The following CDK17 variants were observed in gnomAD, a reference collection of about 807,000 sequenced individuals.
CDK17 encodes cyclin dependent kinase 17.
CDK17 carries 24 observed loss-of-function variants against 77.6 expected under a neutral mutation model. That is an observed-to-expected ratio of 0.31 (90% CI 0.22 to 0.44). The LOEUF is 0.44. CDK17 is among the 20% of genes least tolerant of loss of function. The pLI is 1.00. For missense variants in CDK17, 429 were observed against 622.5 expected (o/e 0.69, Z 3.31); for synonymous variants, 203 against 210.4 (o/e 0.96, Z 0.30).
In CDK17 at chr12:96,334,862, A is replaced by C. The variant is rs773777251; in HGVS notation, c.-26T>G. ...CCTATCAATTGAATGTGGCTTGAAA[A>C]ATCCTGAAAGAAAAGAATAAACACA... On this transcript the variant is annotated 5_prime_UTR_variant, in exon 2 of 17. It adds an upstream start codon to the 5' untranslated region. Coordinates refer to ENST00000261211, the MANE Select transcript of CDK17 (RefSeq NM_002595.5). 2 of 1,198,698 alleles carry C rather than the reference A, an allele frequency of 1.7e-6. No individual in the cohort carries two copies. Among genetic ancestry groups the C allele is most frequent in the Non-Finnish European group, 2.5e-6 (2 of 804,404 alleles). The allele number at this position is 1,198,698 out of a possible 1,614,324, so 74.3% of individuals were successfully genotyped here.
chr12:96,375,953 G>A (rs1341721387), intron 1 of CDK17, among the ~76,000 whole-genome samples: 1 of 152,156 alleles, frequency 6.6e-6, no homozygotes, highest in Non-Finnish European at 1.5e-5. Flanking sequence ...TATTCACCAA[G>A]AGAATGCATT....
Position 96,333,096 on chromosome 12 carries a change from A to C in CDK17, c.118+1623T>G, listed in dbSNP as rs552400529. On this transcript the variant is annotated intron_variant, in intron 2 of 16. Transcript: ENST00000261211. Reference sequence around the variant, plus strand: ...CATCATTGGCAAACACATTGGCAAGACCCTTCTATCCTAAGAGTAGGCACA... The same window carrying C: ...CATCATTGGCAAACACATTGGCAAGCCCCTTCTATCCTAAGAGTAGGCACA... 5.3e-5 allele frequency among the ~76,000 whole-genome samples: 8 copies of C among 152,178 alleles called. 1 individual carries two copies. The South Asian group carries it at 6.2e-4, about 12-fold the overall frequency.
At chr12:96,328,318 T>C (rs1009871482) in intron 2 of CDK17, among the ~76,000 whole-genome samples, 1 of 152,080 alleles carries the variant, frequency 6.6e-6, no homozygotes, top group Non-Finnish European at 1.5e-5. Context: ...TATTTCATTA[T>C]ATATTACAAT....
rs186148556 is a variant in CDK17, at chr12:96,356,630, A to G, written c.-29-21765T>C. On this transcript the variant is annotated intron_variant, in intron 1 of 16. Transcript: ENST00000261211. Reference sequence around the variant, plus strand: ...AGAGATCAAGACATTATAGTTCACTATATTGGAACCCCTACATGAAATGAT... The same window carrying G: ...AGAGATCAAGACATTATAGTTCACTGTATTGGAACCCCTACATGAAATGAT... 2.7e-3 allele frequency among the ~76,000 whole-genome samples: 417 copies of G among 152,298 alleles called. 4 individuals are homozygous for G. The highest frequency in any genetic ancestry group is 2.6e-3 in the Non-Finnish European group (179 of 68,034).
intron 1 of CDK17, among the ~76,000 whole-genome samples, chr12:96,364,149 T>G (rs977240167): frequency 1.1e-4 from 17 of 152,224 alleles, no homozygotes; most frequent in African/African-American, 4.1e-4. Flanking sequence ...ATATGACACA[T>G]TCTCATTTGC....
chr12:96,282,279 T>G (rs7975426), intron 15 of CDK17: 106,928 of 404,148 alleles, frequency 0.26, 16,101 homozygotes, highest in Middle Eastern at 0.36. Flanking sequence ...GATCCTTGCC[T>G]AAGTACTATT....
intron 11 of CDK17, among the ~76,000 whole-genome samples, chr12:96,288,301 T>C (rs900362540): frequency 7.9e-5 from 12 of 152,038 alleles, no homozygotes; most frequent in African/African-American, 2.7e-4. Flanking sequence ...ATGAAGAACA[T>C]AGAAAATAAA....
At chr12:96,349,141 G>A (rs1397853951) in intron 1 of CDK17, among the ~76,000 whole-genome samples, 1 of 152,120 alleles carries the variant, frequency 6.6e-6, no homozygotes. Flanking sequence ...AGAATGCGAC[G>A]GTGGTTCAAC....
At chr12:96,377,893 C>G (rs1345996790) in intron 1 of CDK17, among the ~76,000 whole-genome samples, 1 of 152,086 alleles carries the variant, frequency 6.6e-6, no homozygotes, top group Non-Finnish European at 1.5e-5. Flanking sequence ...CAGGGTTTCA[C>G]CGTGTTAGCC....
intron 1 of CDK17, among the ~76,000 whole-genome samples, chr12:96,384,356 CAA>C (rs1474106495): frequency 1.3e-5 from 2 of 152,158 alleles, no homozygotes; most frequent in African/African-American, 4.8e-5. Flanking sequence ...GGAGATTTCT[CAA>C]AGAGCTAAAA....
chr12:96,317,422 C>T (rs1407351463), intron 3 of CDK17, among the ~76,000 whole-genome samples: 3 of 111,892 alleles, frequency 2.7e-5, no homozygotes, highest in Admixed American at 9.7e-5. Context: ...GGCAGGCCAA[C>T]GTTCAGATTC....
At chr12:96,381,905 A>G (rs528130341) in intron 1 of CDK17, among the ~76,000 whole-genome samples, 2 of 152,278 alleles carry the variant, frequency 1.3e-5, no homozygotes, top group South Asian at 4.1e-4. Flanking sequence ...GAGGAGGACC[A>G]ACATCCCAGA....
rs767420933 is a variant in CDK17 at position 96,298,992 on chromosome 12, T to C, written c.601-9A>G. 3 of 1,359,472 alleles carry C rather than the reference T, an allele frequency of 2.2e-6. No homozygotes were observed. In the African/African-American group the frequency reaches 4.3e-5, roughly 20 times the overall value. 84.2% of individuals were successfully genotyped at this position (1,359,472 alleles called of 1,614,324 possible). ...ACTGTTGCATATGTACCCTATAAAA[T>C]ATATTTTTAAAGGACGCATCAAAAG... is the stretch of plus-strand genomic sequence containing the variant. On this transcript the variant is annotated splice_polypyrimidine_tract_variant and intron_variant, in intron 6 of 16. Coordinates refer to ENST00000261211, the MANE Select transcript of CDK17 (RefSeq NM_002595.5).
In CDK17 at chr12:96,282,503, T is replaced by G. The variant is rs1157484139; in HGVS notation, c.1456+6A>C. 1.9e-6 allele frequency: 3 copies of G among 1,578,984 alleles called. No individual in the cohort carries two copies. The Admixed American group carries it at 5.0e-5, about 26-fold the overall frequency. On this transcript the variant is annotated splice_donor_region_variant and intron_variant, in intron 15 of 16. Coordinates refer to ENST00000261211, the MANE Select transcript of CDK17 (RefSeq NM_002595.5). ...AGCAGGGAAAACACTTTAGGATTTCTCTTACTTTCTGGTAAAGCATGTATT... is the reference window on the plus strand; with the variant it reads ...AGCAGGGAAAACACTTTAGGATTTCGCTTACTTTCTGGTAAAGCATGTATT...
chr12:96,369,812 G>A (rs1396118287), intron 1 of CDK17, among the ~76,000 whole-genome samples: 2 of 151,984 alleles, frequency 1.3e-5, no homozygotes, highest in Admixed American at 6.6e-5. Flanking sequence ...CTGGCGCGGT[G>A]GCTCACGCCT....
chr12:96,287,625 T>C (rs1952263918), intron 11 of CDK17, among the ~76,000 whole-genome samples: 2 of 152,034 alleles, frequency 1.3e-5, no homozygotes, highest in African/African-American at 2.4e-5. Context: ...AAGACCAGCC[T>C]GGACAACATG....
chr12:96,336,437 C>T (rs749375226), intron 1 of CDK17, among the ~76,000 whole-genome samples: 4 of 152,090 alleles, frequency 2.6e-5, no homozygotes, highest in Non-Finnish European at 1.5e-5. Flanking sequence ...TGCACTCCAG[C>T]CTGAGTGACA....
rs1290134917 is a variant in CDK17, at chr12:96,278,361, T to C, written c.*1881A>G. On this transcript the variant is annotated 3_prime_UTR_variant, in exon 17 of 17. Transcript: ENST00000261211. ...ACATTCTATGAAGTGACAAATTTGA[T>C]ACTTTATAATTGAGAGTGCTATAAA... 2 of 152,120 alleles carry C rather than the reference T, an allele frequency of 1.3e-5. No individual in the cohort carries two copies. Among genetic ancestry groups the C allele is most frequent in the Non-Finnish European group, 2.9e-5 (2 of 67,988 alleles). 9.4% of individuals were successfully genotyped at this position (152,120 alleles called of 1,614,324 possible).
At chr12:96,397,374 A>G (rs1486365983) in intron 1 of CDK17, among the ~76,000 whole-genome samples, 1 of 152,132 alleles carries the variant, frequency 6.6e-6, no homozygotes, top group South Asian at 2.1e-4. Context: ...CAATTCCTCC[A>G]ATTTCATGTT....
Sources: allele counts gnomAD v4.1 joint callset (sites outside exome capture counted in the v4.1 genomes callset), GRCh38; gene constraint gnomAD v4.1.1; transcripts MANE v1.5; gene names NCBI Gene and HGNC (gene_info 2026-07-23, HGNC 2026-07-21).